Variants in CMTM8 observed in about 807,000 individuals in gnomAD.
CMTM8 encodes the protein CKLF-like MARVEL transmembrane domain-containing protein 8.
CMTM8 carries 12 observed loss-of-function variants against 18.6 expected under a neutral mutation model. That is an observed-to-expected ratio of 0.65 (90% CI 0.41 to 1.05). The LOEUF (loss-of-function observed/expected upper bound fraction) is 1.05. Ranked by LOEUF, CMTM8 falls within the 50% of genes least tolerant of loss-of-function variation. The probability of loss-of-function intolerance (pLI) is 0.00; values close to 1 mark genes in which losing one functional copy is unlikely to be tolerated. For synonymous variants in CMTM8, 87 were observed against 90.6 expected (o/e 0.96, Z 0.23); for missense variants, 217 against 227.2 (o/e 0.95, Z 0.29).
At chr3:32,336,843 T>C (rs986073434) in intron 1 of CMTM8, among the ~76,000 whole-genome samples, 4 of 152,166 alleles carry the variant, frequency 2.6e-5, no homozygotes, top group African/African-American at 9.7e-5. Flanking sequence ...AGAAGGAAAT[T>C]GTCTGTTTTC....
chr3:32,362,046 C>CTTCTTTTTTTTTTT (rs1553608241), intron 2 of CMTM8, among the ~76,000 whole-genome samples: 4 of 92,066 alleles, frequency 4.3e-5, no homozygotes, highest in African/African-American at 1.6e-4. Flanking sequence ...ATTTTCTTTT[C>CTTCTTTTTTTTTTT]TTTTTTTTTT....
chr3:32,309,240 C>G (rs1695772736), intron 1 of CMTM8, among the ~76,000 whole-genome samples: 1 of 150,692 alleles, frequency 6.6e-6, no homozygotes, highest in African/African-American at 2.4e-5. Context: ...GGAAGACCAG[C>G]TGATTTGGGT....
At chr3:32,301,147 A>G (rs537334398) in intron 1 of CMTM8, among the ~76,000 whole-genome samples, 69 of 152,290 alleles carry the variant, frequency 4.5e-4, no homozygotes, top group Admixed American at 8.5e-4. Context: ...TATGCCAGGT[A>G]GGACATTAAC....
chr3:32,287,743 C>T (rs571037617), intron 1 of CMTM8, among the ~76,000 whole-genome samples: 19 of 151,912 alleles, frequency 1.3e-4, no homozygotes, highest in East Asian at 3.9e-4. Flanking sequence ...TTTATGTGTC[C>T]GCCATTATTT....
intron 1 of CMTM8, among the ~76,000 whole-genome samples, chr3:32,327,483 T>C (rs1183812600): frequency 2.0e-5 from 3 of 152,240 alleles, no homozygotes; most frequent in Admixed American, 1.3e-4. Flanking sequence ...TTTTAAGGAA[T>C]TGCCCTACTT....
At position 32,274,052 on chromosome 3, in the gene CMTM8, G is replaced by A. The variant is rs1004055767; in HGVS notation, c.147+34933G>A. On this transcript the variant is annotated intron_variant, in intron 1 of 3. Transcript: ENST00000307526. ...TAGCTGGGCACGGTGGCTCACATCT[G>A]TAATCCCAACACTTTGGGAGGCTGA... Among the ~76,000 whole-genome samples, 3 of 152,058 alleles carry A rather than the reference G, an allele frequency of 2.0e-5. No individual in the cohort carries two copies. In the East Asian group the frequency reaches 5.8e-4, roughly 29 times the overall value.
At chr3:32,342,464 G>C (rs1455958514) in intron 1 of CMTM8, among the ~76,000 whole-genome samples, 1 of 152,210 alleles carries the variant, frequency 6.6e-6, no homozygotes, top group African/African-American at 2.4e-5. Context: ...TTCCTACCAG[G>C]CCAGATGGCC....
At chr3:32,253,856 G>T (rs752456359) in intron 1 of CMTM8, among the ~76,000 whole-genome samples, 2 of 152,058 alleles carry the variant, frequency 1.3e-5, no homozygotes, top group Non-Finnish European at 2.9e-5. Context: ...GGGACTGCAG[G>T]TGAGCACTAA....
chr3:32,325,527 C>G (rs953077743), intron 1 of CMTM8, among the ~76,000 whole-genome samples: 4 of 152,144 alleles, frequency 2.6e-5, no homozygotes, highest in Admixed American at 2.6e-4. Context: ...CCTGGACTTT[C>G]TAAGCTTTTC....
At chr3:32,361,285 A>AGTTT (rs1553608165) in intron 2 of CMTM8, among the ~76,000 whole-genome samples, 2 of 23,906 alleles carry the variant, frequency 8.4e-5, no homozygotes, top group Non-Finnish European at 1.2e-4. Flanking sequence ...CCAGCCTAAG[A>AGTTT]GTTTTTTTTT....
At chr3:32,293,077 G>GTGTATA (rs148004069) in intron 1 of CMTM8, among the ~76,000 whole-genome samples, 54 of 145,776 alleles carry the variant, frequency 3.7e-4, no homozygotes, top group African/African-American at 1.3e-3. Context: ...ATATGTGTGT[G>GTGTATA]TATATATATA....
At chr3:32,281,111 C>T (rs1702602867) in intron 1 of CMTM8, among the ~76,000 whole-genome samples, 1 of 152,106 alleles carries the variant, frequency 6.6e-6, no homozygotes, top group Non-Finnish European at 1.5e-5. Flanking sequence ...GTTTGATGCT[C>T]CTGTGTATGA....
chr3:32,344,784 A>G (rs924566674), intron 1 of CMTM8, among the ~76,000 whole-genome samples: 11 of 152,094 alleles, frequency 7.2e-5, no homozygotes, highest in African/African-American at 2.2e-4. Context: ...AGTTCCAGCT[A>G]TTTTGGAGGC....
At chr3:32,327,191 A>G (rs909138948) in intron 1 of CMTM8, among the ~76,000 whole-genome samples, 5 of 152,228 alleles carry the variant, frequency 3.3e-5, no homozygotes, top group African/African-American at 1.2e-4. Context: ...TTTACATGGA[A>G]ACTAAATTAG....
intron 1 of CMTM8, among the ~76,000 whole-genome samples, chr3:32,348,870 GT>G (rs1162608551): frequency 2.6e-5 from 4 of 151,674 alleles, no homozygotes; most frequent in Admixed American, 6.6e-5. Flanking sequence ...TATCTCACCT[GT>G]TTTTTTCTTT....
intron 1 of CMTM8, among the ~76,000 whole-genome samples, chr3:32,342,855 T>G (rs554382005): frequency 3.3e-5 from 5 of 152,234 alleles, no homozygotes; most frequent in Non-Finnish European, 7.3e-5. Flanking sequence ...TGTGCATACA[T>G]TGATTAACTC....
At chr3:32,367,523 G>A (rs1186088036) in intron 2 of CMTM8, among the ~76,000 whole-genome samples, 1 of 152,192 alleles carries the variant, frequency 6.6e-6, no homozygotes, top group Non-Finnish European at 1.5e-5. Flanking sequence ...CTGAGGCTGA[G>A]CCCACCGAGT....
At position 32,245,775 on chromosome 3, in the gene CMTM8, G is replaced by A. The variant is rs781613837; in HGVS notation, c.147+6656G>A. On this transcript the variant is annotated intron_variant, in intron 1 of 3. Transcript: ENST00000307526. ...TTTCCATTTCATAAAAGCAATACCC[G>A]ACATTTGTAGAAAAAACTTTTATTT... is the stretch of plus-strand genomic sequence containing the variant. Among the ~76,000 whole-genome samples the A allele has an allele frequency of 7.9e-4, 120 of 152,036 alleles. 2 individuals carry two copies. The highest frequency in any genetic ancestry group is 9.2e-4 in the Admixed American group (14 of 15,252).
At chr3:32,303,449 G>A (rs1042426455) in intron 1 of CMTM8, among the ~76,000 whole-genome samples, 21 of 152,186 alleles carry the variant, frequency 1.4e-4, no homozygotes, top group African/African-American at 5.1e-4. Context: ...TTTAGATTCA[G>A]GTGTTTCGTT....
Sources: gnomAD v4.1 joint callset for allele counts (sites outside exome capture counted in the v4.1 genomes callset) on GRCh38, gnomAD v4.1.1 for gene constraint, MANE v1.5 for transcripts, NCBI Gene and HGNC (gene_info 2026-07-23, HGNC 2026-07-21) for gene names.